Variants in DNAH14 observed in about 807,000 individuals in gnomAD.
DNAH14 encodes axonemal beta dynein heavy chain 14.
A neutral mutation model predicts 520.9 loss-of-function variants in DNAH14; 478 were observed. That is an observed-to-expected ratio of 0.92 (90% CI 0.85 to 0.99). DNAH14 has a LOEUF of 0.99. Among genes scored for constraint, DNAH14 ranks in the 50% least tolerant of loss-of-function variants. The pLI is 0.00. For missense variants in DNAH14, 4,831 were observed against 5,234.5 expected (o/e 0.92, Z 2.38); for synonymous variants, 1,581 against 1,757.2 (o/e 0.90, Z 2.51).
chr1:225,290,803 A>T (rs2093870390), intron 55 of DNAH14, among the ~76,000 whole-genome samples: 1 of 150,714 alleles, frequency 6.6e-6, no homozygotes. Context: ...GTGATGTTTC[A>T]ATACATGTAA....
At chr1:225,045,267 G>GTT (rs138849505) in intron 15 of DNAH14, among the ~76,000 whole-genome samples, 22 of 141,448 alleles carry the variant, frequency 1.6e-4, no homozygotes, top group African/African-American at 5.7e-4. Context: ...TGTTTCTACT[G>GTT]TTTTTTTTTT....
At chr1:225,215,124 T>TCTCA (rs1358525787) in intron 41 of DNAH14, among the ~76,000 whole-genome samples, 1 of 152,158 alleles carries the variant, frequency 6.6e-6, no homozygotes, top group Non-Finnish European at 1.5e-5. Context: ...TTCTCATTGG[T>TCTCA]TTCAAAGAAC....
intron 45 of DNAH14, among the ~76,000 whole-genome samples, chr1:225,258,583 A>G (rs1255407983): frequency 3.9e-5 from 6 of 152,160 alleles, no homozygotes; most frequent in Non-Finnish European, 8.8e-5. Flanking sequence ...CAATTATCTA[A>G]CTTGTGTTGC....
intron 27 of DNAH14, among the ~76,000 whole-genome samples, chr1:225,140,332 C>CA (rs1412006851): frequency 6.6e-6 from 1 of 152,110 alleles, no homozygotes; most frequent in East Asian, 1.9e-4. Flanking sequence ...TTATGTATGA[C>CA]AAGAGTGGGT....
intron 23 of DNAH14, among the ~76,000 whole-genome samples, chr1:225,117,027 G>A (rs1191069907): frequency 1.3e-5 from 2 of 152,224 alleles, no homozygotes; most frequent in East Asian, 3.9e-4. Context: ...TATAATGAGA[G>A]AAATTTAGGG....
At chr1:225,016,840 T>C (rs1440578641) in intron 10 of DNAH14, among the ~76,000 whole-genome samples, 1 of 151,858 alleles carries the variant, frequency 6.6e-6, no homozygotes, top group Non-Finnish European at 1.5e-5. Context: ...AAGGTCTCAG[T>C]TGCATTTTTA....
At chr1:225,344,666 T>C (rs1207188328) in intron 69 of DNAH14, among the ~76,000 whole-genome samples, 1 of 151,982 alleles carries the variant, frequency 6.6e-6, no homozygotes, top group Admixed American at 6.6e-5. Context: ...CCTTAGCTAT[T>C]GTGAATAGTG....
intron 23 of DNAH14, among the ~76,000 whole-genome samples, chr1:225,114,937 T>G (rs2076758071): frequency 6.6e-6 from 1 of 152,234 alleles, no homozygotes; most frequent in Non-Finnish European, 1.5e-5. Context: ...AACCAGGTAC[T>G]ATGAATGCTT....
chr1:225,286,518 TA>T (rs2093748131), intron 54 of DNAH14, among the ~76,000 whole-genome samples: 1 of 151,974 alleles, frequency 6.6e-6, no homozygotes, highest in African/African-American at 2.4e-5. Flanking sequence ...GGGGAAACAA[TA>T]ACGAGATACC....
intron 17 of DNAH14, among the ~76,000 whole-genome samples, chr1:225,055,172 G>A (rs1343050893): frequency 7.2e-5 from 11 of 151,958 alleles, no homozygotes; most frequent in Non-Finnish European, 1.6e-4. Context: ...GAAACAAAAT[G>A]TTTATCCTCT....
rs1202521580 is a variant in DNAH14, at chr1:225,051,761, C to T, written c.2390C>T (p.Ser797Phe). The T allele has an allele frequency of 2.7e-5, 41 of 1,496,382 alleles. No individual in the cohort carries two copies. The highest frequency in any genetic ancestry group is 3.5e-5 in the Non-Finnish European group (39 of 1,122,996). The allele number at this position is 1,496,382 out of a possible 1,614,324, so 92.7% of individuals were successfully genotyped here. A position where few individuals can be genotyped will look rare whatever the true frequency, so the allele number is the denominator to read the frequency against. The change falls in exon 17 of 86, where the codon TCT becomes TTT. Residue 797 changes from serine to phenylalanine, a missense_variant. Ser to Phe is a radical substitution (Grantham distance 155). Transcript: ENST00000682510. ...VIHMSHTLIQ[S>F]VIEKKNKNLL... Reference sequence around the variant, plus strand: ...CATATGAGCCACACCCTCATACAATCTGTAATTGAAAAAAAGAACAAAAAT... The same window carrying T: ...CATATGAGCCACACCCTCATACAATTTGTAATTGAAAAAAAGAACAAAAAT...
At chr1:225,241,123 G>A (rs610607) in intron 43 of DNAH14, among the ~76,000 whole-genome samples, 48,629 of 151,722 alleles carry the variant, frequency 0.32, 9,064 homozygotes, top group East Asian at 0.61. Context: ...TATCCATATC[G>A]CCATGTAGCA....
At position 225,144,595 on chromosome 1, in the gene DNAH14, A is replaced by G; in HGVS notation, c.4707A>G (p.Thr1569=). ...GCTGTCCTGCCGGTCCAGCTGGTAC[A>G]GGAAAAACTGAGACTGTCAAAGATC... ...LGGCPAGPAG[T]GKTETVKDLA... is the part of the protein sequence containing the mutation. Residue 1569 remains threonine, a synonymous_variant, in exon 29 of 86, where the codon ACA becomes ACG. Transcript: ENST00000682510. 1 of 1,551,502 alleles carries G rather than the reference A, an allele frequency of 6.4e-7. No individual in the cohort carries two copies. Among genetic ancestry groups the G allele is most frequent in the Admixed American group, 2.0e-5 (1 of 50,950 alleles).
chr1:225,205,864 C>A, intron 39 of DNAH14, 107 bp from the exon 40 acceptor site: 3 of 908,886 alleles, frequency 3.3e-6, no homozygotes, highest in Non-Finnish European at 4.9e-6. Flanking sequence ...TCTAGGATAT[C>A]TTTCCTCTTA....
At chr1:225,000,449 C>G (rs1238031180) in intron 8 of DNAH14, among the ~76,000 whole-genome samples, 2 of 150,846 alleles carry the variant, frequency 1.3e-5, no homozygotes. Context: ...ATGTTTCAGC[C>G]ATTATTTCTT....
intron 61 of DNAH14, 127 bp from the exon 62 acceptor site, chr1:225,322,537 T>A (rs2094577410): frequency 1.1e-6 from 1 of 889,188 alleles, no homozygotes; most frequent in Non-Finnish European, 1.6e-6. Flanking sequence ...AATAGCTATA[T>A]GTTGACAAAT....
At chr1:225,053,304 A>G (rs1275539447) in intron 17 of DNAH14, among the ~76,000 whole-genome samples, 4 of 152,154 alleles carry the variant, frequency 2.6e-5, no homozygotes, top group Admixed American at 2.0e-4. Context: ...GCATACCTGA[A>G]GAAGACCTGA....
chr1:225,008,178 G>A (rs1173169314), intron 10 of DNAH14, among the ~76,000 whole-genome samples: 2 of 151,894 alleles, frequency 1.3e-5, no homozygotes, highest in African/African-American at 4.8e-5. Flanking sequence ...TGCAGTGTTT[G>A]TTTTTCTGTT....
chr1:225,330,553 G>A (rs1313594807), intron 64 of DNAH14, among the ~76,000 whole-genome samples: 2 of 152,144 alleles, frequency 1.3e-5, no homozygotes, highest in Non-Finnish European at 2.9e-5. Flanking sequence ...TAAGCCAGGT[G>A]CAGAAAGACA....
Sources: allele counts gnomAD v4.1 joint callset (sites outside exome capture counted in the v4.1 genomes callset), GRCh38; gene constraint gnomAD v4.1.1; transcripts MANE v1.5; gene names NCBI Gene and HGNC (gene_info 2026-07-23, HGNC 2026-07-21).